RGS8: variants seen among roughly 807,000 people sequenced by gnomAD.
The protein encoded by RGS8 is regulator of G-protein signaling 8.
Under a neutral mutation model 21.7 loss-of-function variants are expected in RGS8, and 8 were observed. That is an observed-to-expected ratio of 0.37 (90% CI 0.22 to 0.66). RGS8 has a LOEUF of 0.66. Among genes scored for constraint, RGS8 ranks in the 30% least tolerant of loss-of-function variants. The pLI, the probability that RGS8 is intolerant of heterozygous loss-of-function variation, is 0.59. For missense variants in RGS8, 157 were observed against 217.9 expected, an observed-to-expected ratio of 0.72 and a Z score of 1.76; for synonymous variants, 80 against 83.6, an observed-to-expected ratio of 0.96 and a Z score of 0.24.
chr1:182,676,808 T>G (rs561060184), upstream of RGS8, among the ~76,000 whole-genome samples: 7 of 152,330 alleles, frequency 4.6e-5, no homozygotes, highest in South Asian at 1.4e-3. Context: ...ACTAGCTCCA[T>G]GACACTAACT....
intron 1 of RGS8, among the ~76,000 whole-genome samples, chr1:182,678,849 A>G (rs1468806983): frequency 2.0e-5 from 3 of 152,176 alleles, no homozygotes; most frequent in African/African-American, 7.2e-5. Flanking sequence ...GAGCTTATGC[A>G]ACATACACAA....
the RGS8 span, among the ~76,000 whole-genome samples, chr1:182,742,654 A>T: frequency 2.0e-5 from 3 of 152,178 alleles, no homozygotes; most frequent in African/African-American, 7.2e-5. Context: ...CAGGAGAATC[A>T]GGCAGGGAGG....
chr1:182,654,310 GA>G (rs1250425922), intron 5 of RGS8, among the ~76,000 whole-genome samples: 1 of 152,198 alleles, frequency 6.6e-6, no homozygotes, highest in Non-Finnish European at 1.5e-5. Flanking sequence ...GCAAATTTTA[GA>G]GTAGAGAGAC....
chr1:182,646,410 T>G (rs1571302390), exon 7 of RGS8: 1 of 233,240 alleles, frequency 4.3e-6, no homozygotes, highest in East Asian at 9.2e-5. Flanking sequence ...TTTGCATTAT[T>G]TACAGATTAG....
chr1:182,666,095 C>A, intron 4 of RGS8, 62 bp from the exon 6 acceptor site: 1 of 1,439,752 alleles, frequency 6.9e-7, no homozygotes, highest in South Asian at 1.2e-5. Context: ...CCTCAACAAC[C>A]GCTAAGATTT....
intron 5 of RGS8, among the ~76,000 whole-genome samples, chr1:182,661,997 G>A (rs1244963849): frequency 6.6e-6 from 1 of 152,162 alleles, no homozygotes; most frequent in Non-Finnish European, 1.5e-5. Flanking sequence ...TCGTTTGTTA[G>A]TGTTTGTTTT....
At chr1:182,698,892 G>A in the RGS8 span, among the ~76,000 whole-genome samples, 3 of 152,200 alleles carry the variant, frequency 2.0e-5, no homozygotes, top group African/African-American at 7.2e-5. Flanking sequence ...AACAATGTGT[G>A]TGTGACTGTG....
chr1:182,720,616 A>T, the RGS8 span, among the ~76,000 whole-genome samples: 1 of 152,042 alleles, frequency 6.6e-6, no homozygotes, highest in Non-Finnish European at 1.5e-5. Flanking sequence ...TCAGAAATGC[A>T]CTACCACTGT....
the RGS8 span, among the ~76,000 whole-genome samples, chr1:182,691,755 G>C: frequency 6.6e-6 from 1 of 151,630 alleles, no homozygotes; most frequent in Non-Finnish European, 1.5e-5. Flanking sequence ...TTGAAAGCTG[G>C]AACAAGACAA....
At chr1:182,643,979 G>A (rs964737387), downstream of RGS8, 1 of 152,240 alleles carries the variant, frequency 6.6e-6, no homozygotes, top group African/African-American at 2.4e-5. Flanking sequence ...CTCAAGTCCA[G>A]AAGGCAAGTC....
chr1:182,667,118 G>A, intron 3 of RGS8, 145 bp from the exon 5 acceptor site: 1 of 655,620 alleles, frequency 1.5e-6, no homozygotes, highest in Non-Finnish European at 2.7e-6. Context: ...TCATGAACAG[G>A]AAGAGACCAC....
chr1:182,743,833 A>C, the RGS8 span, among the ~76,000 whole-genome samples: 3 of 152,220 alleles, frequency 2.0e-5, no homozygotes, highest in Non-Finnish European at 4.4e-5. Context: ...ACACACATGC[A>C]TATAGACATG....
At chr1:182,705,734 T>C in the RGS8 span, among the ~76,000 whole-genome samples, 3 of 152,136 alleles carry the variant, frequency 2.0e-5, no homozygotes, top group Non-Finnish European at 4.4e-5. Flanking sequence ...AACAAGACAG[T>C]ATATAGAGAG....
exon 7 of RGS8, chr1:182,646,568 C>T (rs1021887360): frequency 3.4e-5 from 21 of 623,998 alleles, no homozygotes; most frequent in Non-Finnish European, 4.7e-5. Context: ...GTCCAAGCTC[C>T]GGCAGCTGGG....
the RGS8 span, among the ~76,000 whole-genome samples, chr1:182,724,164 T>C: frequency 5.4e-4 from 71 of 131,486 alleles, no homozygotes; most frequent in African/African-American, 1.8e-3. Context: ...AGAATATAAA[T>C]AGAAAGCAGG....
chr1:182,715,247 C>G, the RGS8 span, among the ~76,000 whole-genome samples: 1 of 152,210 alleles, frequency 6.6e-6, no homozygotes, highest in Non-Finnish European at 1.5e-5. Context: ...ACTTTATACC[C>G]TGTCTTTCCT....
chr1:182,719,894 T>C, the RGS8 span, among the ~76,000 whole-genome samples: 2 of 152,228 alleles, frequency 1.3e-5, no homozygotes, highest in Admixed American at 1.3e-4. Context: ...ATCATTTTTT[T>C]CCTCCAATCT....
intron 5 of RGS8, among the ~76,000 whole-genome samples, chr1:182,663,656 G>A (rs1042122190): frequency 2.5e-4 from 37 of 150,926 alleles, no homozygotes; most frequent in African/African-American, 8.3e-4. Context: ...TCAGCCTCCC[G>A]AGTAGCTAGG....
chr1:182,713,822 A>G, the RGS8 span, among the ~76,000 whole-genome samples: 132 of 152,304 alleles, frequency 8.7e-4, 1 homozygote, highest in African/African-American at 3.0e-3. Flanking sequence ...GAAAAACACC[A>G]ATTTATCTCT....
Sources: allele counts gnomAD v4.1 joint callset (sites outside exome capture counted in the v4.1 genomes callset), GRCh38; gene constraint gnomAD v4.1.1; transcripts MANE v1.5; gene names NCBI Gene and HGNC (gene_info 2026-07-23, HGNC 2026-07-21).